VPS8: variants seen among roughly 807,000 people sequenced by gnomAD.
VPS8 encodes VPS8 subunit of CORVET complex.
Under a neutral mutation model 216.4 loss-of-function variants are expected in VPS8, and 129 were observed. The observed-to-expected ratio is 0.60, with a 90% confidence interval of 0.52 to 0.69. The LOEUF (loss-of-function observed/expected upper bound fraction) is 0.69. VPS8 is among the 30% of genes least tolerant of loss of function. The pLI, the probability that VPS8 is intolerant of heterozygous loss-of-function variation, is 0.00. For synonymous variants in VPS8, 571 were observed against 565.4 expected (o/e 1.01, Z -0.14); for missense variants, 1,531 against 1,683.5 (o/e 0.91, Z 1.59).
intron 34 of VPS8, among the ~76,000 whole-genome samples, chr3:184,934,575 T>TTA (rs1741271929): frequency 6.6e-6 from 1 of 152,228 alleles, no homozygotes; most frequent in African/African-American, 2.4e-5. Flanking sequence ...ACTGTAAGGA[T>TTA]TTTTATGGAA....
At chr3:184,820,367 T>C (rs1192966231) in intron 1 of VPS8, among the ~76,000 whole-genome samples, 1 of 152,216 alleles carries the variant, frequency 6.6e-6, no homozygotes, top group Non-Finnish European at 1.5e-5. Context: ...GTGTCACATC[T>C]CTTTCTCTGG....
chr3:184,861,756 C>G (rs1406170633), intron 15 of VPS8, among the ~76,000 whole-genome samples: 5 of 152,204 alleles, frequency 3.3e-5, no homozygotes, highest in Non-Finnish European at 7.3e-5. Context: ...GGAATAATTA[C>G]TAAACTTATT....
chr3:184,989,365 G>A (rs561015872), intron 42 of VPS8, among the ~76,000 whole-genome samples: 1 of 152,212 alleles, frequency 6.6e-6, no homozygotes, highest in African/African-American at 2.4e-5. Context: ...CTGCTAATAT[G>A]ATCATATGAT....
At chr3:184,926,458 T>G (rs1229987045) in intron 30 of VPS8, 136 bp from the exon 31 acceptor site, 1 of 748,164 alleles carries the variant, frequency 1.3e-6, no homozygotes, top group Non-Finnish European at 2.2e-6. Context: ...GTTGGGAAGG[T>G]AGCCTACACC....
intron 38 of VPS8, 146 bp from the exon 39 acceptor site, chr3:184,966,525 G>A (rs4470487): frequency 0.98 from 451,135 of 461,530 alleles, 221,314 homozygotes; most frequent in East Asian, 1. Context: ...AAACAGAAGA[G>A]TTTACTTCTG....
chr3:184,878,785 A>G (rs1052901773), intron 21 of VPS8, among the ~76,000 whole-genome samples: 2 of 152,174 alleles, frequency 1.3e-5, no homozygotes, highest in Non-Finnish European at 2.9e-5. Flanking sequence ...ACACATATAC[A>G]TGCAGAGAGA....
At chr3:184,812,961 G>C (rs575307381) in intron 1 of VPS8, among the ~76,000 whole-genome samples, 1 of 152,340 alleles carries the variant, frequency 6.6e-6, no homozygotes, top group African/African-American at 2.4e-5. Context: ...TTGTGCACCA[G>C]AGTGAGGGCA....
In VPS8 at chr3:184,942,496, G is replaced by C. The variant is rs540315329; in HGVS notation, c.3035+2253G>C. On this transcript the variant is annotated intron_variant, in intron 36 of 47. Transcript: ENST00000625842. ...CTTCCCCAAAAAGTGACATGACCAGGAATGACCTCACTCTCACAGCCAAAT... is the reference window on the plus strand; with the variant it reads ...CTTCCCCAAAAAGTGACATGACCAGCAATGACCTCACTCTCACAGCCAAAT... Among the ~76,000 whole-genome samples, 32 of 152,266 alleles carry C rather than the reference G, an allele frequency of 2.1e-4. No individual in the cohort carries two copies. In the East Asian group the frequency reaches 4.2e-3, roughly 20 times the overall value.
At chr3:185,008,978 C>T (rs936908813) in intron 45 of VPS8, among the ~76,000 whole-genome samples, 2 of 152,214 alleles carry the variant, frequency 1.3e-5, no homozygotes, top group Non-Finnish European at 2.9e-5. Context: ...ATGTCTTGTT[C>T]GGTCAAGAGT....
chr3:184,838,691 A>G, intron 5 of VPS8, 23 bp from the exon 6 acceptor site: 1 of 1,527,276 alleles, frequency 6.5e-7, no homozygotes, highest in East Asian at 2.5e-5. Flanking sequence ...TTTTTCAAAT[A>G]CTTTCTTTAA....
At chr3:184,971,228 A>G (rs528605007) in intron 39 of VPS8, among the ~76,000 whole-genome samples, 34 of 152,360 alleles carry the variant, frequency 2.2e-4, no homozygotes, top group Non-Finnish European at 4.6e-4. Context: ...AGTTGAAACA[A>G]GAATGGCTGA....
At chr3:184,875,827 A>G (rs1239710874) in intron 21 of VPS8, among the ~76,000 whole-genome samples, 1 of 151,224 alleles carries the variant, frequency 6.6e-6, no homozygotes, top group East Asian at 1.9e-4. Flanking sequence ...CTCTACAAAA[A>G]AAAAAAAAAA....
intron 3 of VPS8, among the ~76,000 whole-genome samples, chr3:184,828,478 T>G (rs1577751166): frequency 6.6e-6 from 1 of 152,156 alleles, no homozygotes; most frequent in African/African-American, 2.4e-5. Context: ...TACTGAGACA[T>G]CCTAGATCTC....
chr3:184,886,906 C>G (rs1731380801), intron 22 of VPS8, among the ~76,000 whole-genome samples: 1 of 152,122 alleles, frequency 6.6e-6, no homozygotes, highest in Admixed American at 6.5e-5. Context: ...TGAACCATCA[C>G]TAGAACATAG....
At chr3:184,866,696 G>T (rs1291471456) in intron 16 of VPS8, among the ~76,000 whole-genome samples, 180 bp from the exon 17 acceptor site, 1 of 152,164 alleles carries the variant, frequency 6.6e-6, no homozygotes, top group African/African-American at 2.4e-5. Flanking sequence ...TCATTGCAAG[G>T]TTCTTACAGT....
intron 36 of VPS8, among the ~76,000 whole-genome samples, chr3:184,944,758 A>G (rs1743372319): frequency 6.6e-6 from 1 of 152,204 alleles, no homozygotes; most frequent in Admixed American, 6.5e-5. Flanking sequence ...ATCAAAGTAA[A>G]GTAAAAATTG....
chr3:184,925,274 A>G (rs1163130384), intron 30 of VPS8, among the ~76,000 whole-genome samples: 1 of 152,222 alleles, frequency 6.6e-6, no homozygotes, highest in Non-Finnish European at 1.5e-5. Context: ...TCTCACTGGT[A>G]GTAAGACTAT....
chr3:184,987,750 A>G (rs1184376659), intron 42 of VPS8, among the ~76,000 whole-genome samples: 1 of 152,204 alleles, frequency 6.6e-6, no homozygotes, highest in Non-Finnish European at 1.5e-5. Context: ...GTAAATACCT[A>G]GGAATGTGAT....
At chr3:184,961,793 GTC>G (rs1210991355) in intron 37 of VPS8, among the ~76,000 whole-genome samples, 6 of 148,138 alleles carry the variant, frequency 4.1e-5, no homozygotes, top group Admixed American at 1.4e-4. Flanking sequence ...TTTAGACAGA[GTC>G]TCTCTCTGTC....
Sources: allele counts gnomAD v4.1 joint callset (sites outside exome capture counted in the v4.1 genomes callset), GRCh38; gene constraint gnomAD v4.1.1; transcripts MANE v1.5; gene names NCBI Gene and HGNC (gene_info 2026-07-23, HGNC 2026-07-21).